The following AP2A2 variants were observed in gnomAD, a reference collection of about 807,000 sequenced individuals.
AP2A2 encodes the protein adaptor related protein complex 2 subunit alpha 2, also known as AP-2 complex subunit alpha-2.
Under a neutral mutation model 104.2 loss-of-function variants are expected in AP2A2, and 32 were observed. The ratio of observed to expected loss-of-function variants is 0.31; its 90% CI spans 0.23 to 0.41. The LOEUF is 0.41. Among genes scored for constraint, AP2A2 ranks in the 10% least tolerant of loss-of-function variants. The pLI is 1.00. For synonymous variants in AP2A2, 539 were observed against 533.3 expected, an observed-to-expected ratio of 1.01 and a Z score of -0.15; for missense variants, 912 against 1,261.0, an observed-to-expected ratio of 0.72 and a Z score of 4.19.
chr11:977,178 G>A lies in AP2A2; in HGVS notation c.557G>A (p.Gly186Asp). ...YRTSPDLVPMGDWTSRVVHLL... is the reference protein window; with the variant it reads ...YRTSPDLVPMDDWTSRVVHLL... ...ACGTCCCCCGATCTTGTCCCCATGG[G>A]CGACTGGACATCCCGAGTGGTGCAC... is the stretch of plus-strand genomic sequence containing the variant. Residue 186 changes from glycine (G) to aspartate (D), a missense_variant, in exon 5 of 22, where the codon GGC (glycine) becomes GAC (aspartate). By Grantham distance (94) the Gly-to-Asp change is moderately conservative. Around this residue, in one of 7 missense-constraint regions of AP2A2, gnomAD observed 350 missense variants for 487.0 expected, o/e 0.72. Coordinates refer to ENST00000448903, the MANE Select transcript of AP2A2 (RefSeq NM_012305.4). 1 of 1,612,404 alleles carries A rather than the reference G, an allele frequency of 6.2e-7. No homozygotes were observed. The highest frequency in any genetic ancestry group is 8.5e-7 in the Non-Finnish European group (1 of 1,178,852).
chr11:937,223 T>C (rs1427699207), intron 1 of AP2A2, among the ~76,000 whole-genome samples: 1 of 151,978 alleles, frequency 6.6e-6, no homozygotes, highest in African/African-American at 2.4e-5. Context: ...TTTCACTATA[T>C]TGGCCAGGCT....
At chr11:945,112 T>C (rs1853787792) in intron 1 of AP2A2, among the ~76,000 whole-genome samples, 1 of 151,824 alleles carries the variant, frequency 6.6e-6, no homozygotes, top group Admixed American at 6.6e-5. Context: ...TGGGGGATGG[T>C]CTGGAAAGGG....
intron 10 of AP2A2, among the ~76,000 whole-genome samples, chr11:989,198 A>C (rs1031435676): frequency 6.6e-6 from 1 of 152,088 alleles, no homozygotes; most frequent in Non-Finnish European, 1.5e-5. Flanking sequence ...GTAGTGGCGC[A>C]TGCCTGTAAT....
intron 1 of AP2A2, among the ~76,000 whole-genome samples, chr11:947,799 CA>C (rs34115631): frequency 0.51 from 76,986 of 151,372 alleles, 20,159 homozygotes; most frequent in Middle Eastern, 0.66. Context: ...CCCGTCTCTA[CA>C]AAAAAAAATT....
At chr11:1,008,341 A>T (rs1444116124) in intron 18 of AP2A2, 1 of 723,278 alleles carries the variant, frequency 1.4e-6, no homozygotes, top group Non-Finnish European at 2.1e-6. Flanking sequence ...GGGCTCCGGG[A>T]CGGCAGGTGG....
Position 944,168 on chromosome 11 carries a change from G to A in AP2A2, c.68-15269G>A, listed in dbSNP as rs141456240. Among the ~76,000 whole-genome samples the A allele has an allele frequency of 2.9e-4, 44 of 152,332 alleles. No homozygotes were observed. In the East Asian group the frequency reaches 8.3e-3, roughly 29 times the overall value. On this transcript the variant is annotated intron_variant, in intron 1 of 21. Transcript: ENST00000448903. ...ACAGGATGGATGTGATGGGGGCCCC[G>A]AAGGAGAGGATGCTGTAGAGACTGA...
rs1275263747 is a variant in AP2A2 at position 927,510 on chromosome 11, T to TTA, written c.67+1422_67+1423insTA. Among the ~76,000 whole-genome samples, 93 of 131,770 alleles carry TTA rather than the reference T, an allele frequency of 7.1e-4. 1 individual carries two copies. Among genetic ancestry groups the TTA allele is most frequent in the Middle Eastern group, 7.8e-3 (2 of 258 alleles). The allele number at this position is 131,770 out of a possible 152,430, so 86.4% of individuals were successfully genotyped here. Reference sequence around the variant, plus strand: ...CCATCTAACCCTTCCTGTACTCTGTTAAAAAAAAAAAAAAAAAGCATAGAG... The same window carrying TTA: ...CCATCTAACCCTTCCTGTACTCTGTTTAAAAAAAAAAAAAAAAAAGCATAGAG... On this transcript the variant is annotated intron_variant, in intron 1 of 21. Coordinates refer to ENST00000448903, the MANE Select transcript of AP2A2 (RefSeq NM_012305.4).
intron 6 of AP2A2, among the ~76,000 whole-genome samples, chr11:983,040 A>C (rs183924460): frequency 2.1e-5 from 1 of 46,694 alleles, no homozygotes; most frequent in Non-Finnish European, 4.2e-5. Context: ...TTTTTTTTTG[A>C]GTCGGAGTCG....
chr11:1,000,027 C>G (rs1024055012), intron 14 of AP2A2, among the ~76,000 whole-genome samples: 1 of 151,660 alleles, frequency 6.6e-6, no homozygotes, highest in Admixed American at 6.6e-5. Context: ...AGGGTGGTCT[C>G]GATCTCCTGA....
At chr11:973,305 G>A (rs990498964) in intron 4 of AP2A2, among the ~76,000 whole-genome samples, 3 of 152,210 alleles carry the variant, frequency 2.0e-5, no homozygotes, top group African/African-American at 7.2e-5. Flanking sequence ...AGAGACCAGG[G>A]TGCTGCACCC....
Position 937,852 on chromosome 11 carries a change from A to G in AP2A2, c.67+11764A>G, listed in dbSNP as rs924518556. 3.9e-5 allele frequency among the ~76,000 whole-genome samples: 6 copies of G among 152,188 alleles called. No homozygotes were observed. In the East Asian group the frequency reaches 1.2e-3, roughly 29 times the overall value. ...GGAGACTGTCTATACTTATTTACAG[A>G]TAAGGAAACTGTGGCGTGGAGAGGT... On this transcript the variant is annotated intron_variant, in intron 1 of 21. Coordinates refer to ENST00000448903, the MANE Select transcript of AP2A2 (RefSeq NM_012305.4).
chr11:1,010,722 G>C lies in AP2A2; in HGVS notation c.*97G>C. The C allele has an allele frequency of 9.5e-7, 1 of 1,049,446 alleles. No homozygotes were observed. Among genetic ancestry groups the C allele is most frequent in the Non-Finnish European group, 1.4e-6 (1 of 692,554 alleles). The allele number at this position is 1,049,446 out of a possible 1,614,324, so 65.0% of individuals were successfully genotyped here. On this transcript the variant is annotated 3_prime_UTR_variant, in exon 22 of 22. Coordinates refer to ENST00000448903, the MANE Select transcript of AP2A2 (RefSeq NM_012305.4). ...CCTGCAGATGAGCACCGTGTCCAGT[G>C]CCACAGCACAAGGCGCCTCCCCGCC...
chr11:1,006,089 G>A (rs1856193431), intron 16 of AP2A2, among the ~76,000 whole-genome samples: 1 of 152,268 alleles, frequency 6.6e-6, no homozygotes, highest in South Asian at 2.1e-4. Context: ...AGCCGGGGCC[G>A]GTGCGTGTGT....
chr11:991,990 C>T (rs868637655), intron 10 of AP2A2, among the ~76,000 whole-genome samples: 30 of 152,074 alleles, frequency 2.0e-4, no homozygotes, highest in South Asian at 1.5e-3. Flanking sequence ...GGGGGGCACC[C>T]GTGAGAGTGA....
chr11:950,117 G>A (rs1853996004), intron 1 of AP2A2, among the ~76,000 whole-genome samples: 1 of 152,104 alleles, frequency 6.6e-6, no homozygotes, highest in African/African-American at 2.4e-5. Context: ...ATAATTCAAT[G>A]GTGGGGGAAA....
intron 1 of AP2A2, among the ~76,000 whole-genome samples, chr11:951,202 A>G (rs919129444): frequency 1.1e-4 from 16 of 152,290 alleles, no homozygotes; most frequent in African/African-American, 2.9e-4. Flanking sequence ...CAAAATCACA[A>G]TGAGATACTG....
intron 6 of AP2A2, among the ~76,000 whole-genome samples, chr11:982,726 C>T (rs948221641): frequency 3.3e-5 from 5 of 151,710 alleles, no homozygotes; most frequent in Non-Finnish European, 7.4e-5. Flanking sequence ...TCTCGGCTCA[C>T]CATAATCTCT....
intron 2 of AP2A2, among the ~76,000 whole-genome samples, chr11:962,642 A>T (rs539475617): frequency 6.6e-6 from 1 of 152,224 alleles, no homozygotes; most frequent in African/African-American, 2.4e-5. Flanking sequence ...CTGAGTCAGG[A>T]GAATCGCTTG....
chr11:994,306 C>A, intron 14 of AP2A2, 61 bp downstream of exon 14: 1 of 1,583,152 alleles, frequency 6.3e-7, no homozygotes, highest in Admixed American at 1.7e-5. Flanking sequence ...AGACTTGGGA[C>A]CAGCAGAGCA....
Sources: allele counts gnomAD v4.1 joint callset (sites outside exome capture counted in the v4.1 genomes callset), GRCh38; gene constraint gnomAD v4.1.1; regional missense constraint gnomAD v4.1.1; transcripts MANE v1.5; gene names NCBI Gene and HGNC (gene_info 2026-07-23, HGNC 2026-07-21).